DNAAF5: variants seen among roughly 807,000 people sequenced by gnomAD.
DNAAF5 encodes dynein axonemal assembly factor 5.
A neutral mutation model predicts 75.8 loss-of-function variants in DNAAF5; 64 were observed. The ratio of observed to expected loss-of-function variants is 0.84; its 90% CI spans 0.69 to 1.04. DNAAF5 has a LOEUF of 1.04. Among genes scored for constraint, DNAAF5 ranks in the 50% least tolerant of loss-of-function variants. The pLI, the probability that DNAAF5 is intolerant of heterozygous loss-of-function variation, is 0.00. For synonymous variants in DNAAF5, 657 were observed against 557.2 expected, an observed-to-expected ratio of 1.18 and a Z score of -2.52; for missense variants, 1,269 against 1,178.5, an observed-to-expected ratio of 1.08 and a Z score of -1.12.
At chr7:745,224 C>T (rs1782045834) in intron 4 of DNAAF5, among the ~76,000 whole-genome samples, 1 of 152,210 alleles carries the variant, frequency 6.6e-6, no homozygotes, top group African/African-American at 2.4e-5. Context: ...AAATCGTTCT[C>T]CACGTGCTCA....
At position 754,666 on chromosome 7, in the gene DNAAF5, A is replaced by G. The variant is rs1201967877; in HGVS notation, c.1102A>G (p.Ile368Val). ...SKILPALCHD[I>V]TDWVVGTRVK... The stretch of plus-strand genomic sequence containing the variant: ...GATCCTCCCTGCCCTGTGCCACGAC[A>G]TCACCGACTGGGTGGTGGGGACCCG... The change falls in exon 5 of 13, where the codon ATC becomes GTC. Residue 368 changes from isoleucine (I) to valine (V), a missense_variant. By Grantham distance (29) the Ile-to-Val change is conservative (BLOSUM62 3). Transcript: ENST00000297440. This position sits in a 1 kb window ranked among gnomAD's most constrained non-coding sequence, Gnocchi z 4.8. 28 of 1,613,968 alleles carry G rather than the reference A, an allele frequency of 1.7e-5. No individual in the cohort carries two copies. The highest frequency in any genetic ancestry group is 6.7e-5 in the East Asian group (3 of 44,882).
intron 11 of DNAAF5, among the ~76,000 whole-genome samples, chr7:779,602 C>G (rs1778869702): frequency 6.6e-6 from 1 of 152,110 alleles, no homozygotes; most frequent in Non-Finnish European, 1.5e-5. Context: ...ATCTGAGCAT[C>G]TGGGAGCAGG....
intron 9 of DNAAF5, chr7:772,602 C>T (rs904155995): frequency 2.0e-5 from 3 of 152,270 alleles, no homozygotes; most frequent in African/African-American, 7.2e-5. Context: ...CGTTCCCCGG[C>T]TCTGCAGCGT....
intron 4 of DNAAF5, among the ~76,000 whole-genome samples, chr7:748,861 G>C (rs898592359): frequency 6.6e-6 from 1 of 152,208 alleles, no homozygotes; most frequent in Non-Finnish European, 1.5e-5. Context: ...CCGAGTGCGT[G>C]AACAGGCAAA....
chr7:775,313 G>A, intron 11 of DNAAF5, 151 bp downstream of exon 11: 1 of 736,162 alleles, frequency 1.4e-6, no homozygotes, highest in Admixed American at 2.3e-5. Flanking sequence ...CAGCACTTTA[G>A]GCAGGAGGGT....
Position 766,966 on chromosome 7 carries a change from G to A in DNAAF5, c.1783+2992G>A, listed in dbSNP as rs373160501. Among the ~76,000 whole-genome samples, 42 of 150,718 alleles carry A rather than the reference G, an allele frequency of 2.8e-4. 1 individual carries two copies. The highest frequency in any genetic ancestry group is 7.9e-4 in the Admixed American group (12 of 15,160). On this transcript the variant is annotated intron_variant, in intron 8 of 12. Coordinates refer to ENST00000297440, the MANE Select transcript of DNAAF5 (RefSeq NM_017802.4). The stretch of plus-strand genomic sequence containing the variant: ...TAAAGACTGTAGGGTCCCGCTGGGC[G>A]TGGTGGCTCACGCCTGTAATCCCAG...
chr7:754,332 C>T lies in DNAAF5; in HGVS notation c.1025-257C>T, dbSNP rs527380109. On this transcript the variant is annotated intron_variant, in intron 4 of 12. Transcript: ENST00000297440. This position sits in a 1 kb window ranked among gnomAD's most constrained non-coding sequence, Gnocchi z 4.8. ...TAGAGATGGGGTCTTTGCCATGTTG[C>T]CCAGGCTGGTCTTGACTTCCTGGGC... 1.3e-5 allele frequency among the ~76,000 whole-genome samples: 2 copies of T among 152,128 alleles called. No individual in the cohort carries two copies. The highest frequency in any genetic ancestry group is 2.4e-5 in the African/African-American group (1 of 41,422).
chr7:747,338 T>C (rs1017607514), intron 4 of DNAAF5, among the ~76,000 whole-genome samples: 1 of 152,200 alleles, frequency 6.6e-6, no homozygotes, highest in Non-Finnish European at 1.5e-5. Flanking sequence ...CACACGGTGT[T>C]GGTGTCCAGT....
At chr7:742,917 CCAGCTCAAATCAGATGCA>C (rs1781959871) in intron 4 of DNAAF5, among the ~76,000 whole-genome samples, 1 of 152,188 alleles carries the variant, frequency 6.6e-6, no homozygotes, top group South Asian at 2.1e-4. Context: ...TCAATCATTC[CCAGCTCAAATCAGATGCA>C]CAGCCCAAAT....
At chr7:727,339 CACACG>C in intron 1 of DNAAF5, 24 bp downstream of exon 1, 2 of 1,221,750 alleles carry the variant, frequency 1.6e-6, no homozygotes, top group Non-Finnish European at 1.0e-6. Flanking sequence ...GCCCCGCTCC[CACACG>C]CCACCCCACA....
chr7:770,434 G>C, intron 8 of DNAAF5, 37 bp from the exon 9 acceptor site: 1 of 1,597,776 alleles, frequency 6.3e-7, no homozygotes, highest in Non-Finnish European at 8.5e-7. Flanking sequence ...CCCGTCTCCT[G>C]AGGGCCGTGC....
rs1782423731 is a variant in DNAAF5 at position 754,606 on chromosome 7, G to A, written c.1042G>A (p.Gly348Ser). The A allele has an allele frequency of 9.9e-6, 16 of 1,613,944 alleles. No homozygotes were observed. The highest frequency in any genetic ancestry group is 1.3e-5 in the African/African-American group (1 of 74,900). ...YPPHERRPVL[G>S]CRELVFRNLS... is the part of the protein sequence containing the mutation. Reference sequence around the variant, plus strand: ...CGTTCCAGAGCGCCGCCCTGTGCTGGGCTGCCGGGAGCTCGTCTTCAGGAA... The same window carrying A: ...CGTTCCAGAGCGCCGCCCTGTGCTGAGCTGCCGGGAGCTCGTCTTCAGGAA... Residue 348 changes from glycine (G) to serine (S), a missense_variant, in exon 5 of 13, where the codon GGC becomes AGC. Gly to Ser is a moderately conservative substitution (Grantham distance 56). Coordinates refer to ENST00000297440, the MANE Select transcript of DNAAF5 (RefSeq NM_017802.4). This position sits in a 1 kb window ranked among gnomAD's most constrained non-coding sequence, Gnocchi z 4.8.
chr7:734,297 T>G (rs143037157), intron 2 of DNAAF5, among the ~76,000 whole-genome samples: 1 of 152,334 alleles, frequency 6.6e-6, no homozygotes, highest in Non-Finnish European at 1.5e-5. Context: ...TTTGAAGATT[T>G]TTATCATGTA....
At chr7:776,452 G>A (rs1317745397) in intron 11 of DNAAF5, among the ~76,000 whole-genome samples, 1 of 152,240 alleles carries the variant, frequency 6.6e-6, no homozygotes, top group Non-Finnish European at 1.5e-5. Flanking sequence ...CAAGAAGCAA[G>A]GCAGAGGTCT....
chr7:728,624 C>T (rs944366860), intron 1 of DNAAF5, among the ~76,000 whole-genome samples: 7 of 152,230 alleles, frequency 4.6e-5, no homozygotes, highest in East Asian at 3.8e-4. Flanking sequence ...TCTTCATCCT[C>T]AACCACTTCC....
chr7:760,199 C>T (rs1456243209), intron 6 of DNAAF5, among the ~76,000 whole-genome samples: 1 of 152,180 alleles, frequency 6.6e-6, no homozygotes, highest in East Asian at 1.9e-4. Flanking sequence ...CAGAACGCTG[C>T]TGTAGTACAG....
chr7:764,773 T>C (rs1244311502), intron 8 of DNAAF5, among the ~76,000 whole-genome samples: 2 of 152,094 alleles, frequency 1.3e-5, no homozygotes, highest in Non-Finnish European at 2.9e-5. Flanking sequence ...GTTTCCAAAT[T>C]AGAAAAGAAA....
chr7:770,844 C>T (rs2128083831), intron 9 of DNAAF5: 1 of 484,198 alleles, frequency 2.1e-6, no homozygotes, highest in East Asian at 3.2e-5. Context: ...GGGGTCCCCA[C>T]CTCCCTCCCC....
chr7:771,512 C>G (rs1392043566), intron 9 of DNAAF5: 1 of 152,288 alleles, frequency 6.6e-6, no homozygotes, highest in African/African-American at 2.4e-5. Flanking sequence ...TGGAAAGAGT[C>G]CAGGCGCTCA....
Sources: gnomAD v4.1 joint callset for allele counts (sites outside exome capture counted in the v4.1 genomes callset) on GRCh38, gnomAD v4.1.1 for gene constraint, Gnocchi (gnomAD v3.1) non-coding constraint, MANE v1.5 for transcripts, NCBI Gene and HGNC (gene_info 2026-07-23, HGNC 2026-07-21) for gene names.